The following OSTN variants were observed in gnomAD, a reference collection of about 807,000 sequenced individuals.
OSTN encodes osteocrin.
In OSTN, 9 loss-of-function variants were observed where a neutral mutation model predicts 12.0. The ratio of observed to expected loss-of-function variants is 0.75; its 90% CI spans 0.45 to 1.30. The LOEUF is 1.30. Among genes scored for constraint, OSTN ranks in the 50% most tolerant of loss-of-function variants. OSTN has a pLI of 0.00. For missense variants in OSTN, 148 were observed against 152.3 expected, an observed-to-expected ratio of 0.97 and a Z score of 0.15; for synonymous variants, 59 against 56.9, an observed-to-expected ratio of 1.04 and a Z score of -0.16.
chr3:191,218,645 A>G (rs1008997450), intron 2 of OSTN, 102 bp from the exon 3 acceptor site: 11 of 904,186 alleles, frequency 1.2e-5, no homozygotes, highest in Non-Finnish European at 1.7e-5. Flanking sequence ...AAGATGTTAC[A>G]TGATGAGTAT....
intron 1 of OSTN, among the ~76,000 whole-genome samples, chr3:191,202,177 A>G (rs919183096): frequency 5.9e-5 from 9 of 152,358 alleles, no homozygotes; most frequent in African/African-American, 1.9e-4. Flanking sequence ...AAAAAATAGA[A>G]TTATAATGTT....
chr3:191,216,838 C>G (rs941930489), intron 2 of OSTN, among the ~76,000 whole-genome samples: 2 of 152,198 alleles, frequency 1.3e-5, no homozygotes, highest in South Asian at 4.1e-4. Flanking sequence ...CAACAAGTGT[C>G]TAGGAAGTTT....
chr3:191,213,841 A>T (rs1714529903), intron 2 of OSTN, among the ~76,000 whole-genome samples: 2 of 152,238 alleles, frequency 1.3e-5, no homozygotes, highest in East Asian at 3.9e-4. Context: ...GAATAAAAGC[A>T]TATTTTTGGA....
At chr3:191,252,294 T>A (rs1715577694) in intron 4 of OSTN, among the ~76,000 whole-genome samples, 1 of 152,204 alleles carries the variant, frequency 6.6e-6, no homozygotes, top group South Asian at 2.1e-4. Context: ...CTCGATCTCC[T>A]GACCTTGTGA....
At chr3:191,222,374 G>GA (rs1469728660) in intron 3 of OSTN, among the ~76,000 whole-genome samples, 1 of 152,210 alleles carries the variant, frequency 6.6e-6, no homozygotes, top group African/African-American at 2.4e-5. Flanking sequence ...GAAGTCAAAG[G>GA]AGATTAATTT....
chr3:191,228,596 T>G (rs959051828), intron 3 of OSTN: 4 of 152,216 alleles, frequency 2.6e-5, no homozygotes, highest in African/African-American at 9.6e-5. Context: ...TACTGACATT[T>G]TCTTCCCAGT....
intron 2 of OSTN, among the ~76,000 whole-genome samples, chr3:191,216,222 T>C (rs1382759962): frequency 6.6e-6 from 1 of 152,180 alleles, no homozygotes; most frequent in Non-Finnish European, 1.5e-5. Flanking sequence ...TAGCCACAGA[T>C]GGGATGCAAG....
intron 4 of OSTN, among the ~76,000 whole-genome samples, chr3:191,251,772 C>T (rs763754600): frequency 3.2e-4 from 49 of 152,166 alleles, no homozygotes; most frequent in Non-Finnish European, 6.8e-4. Flanking sequence ...ATTATTTCTT[C>T]GTATCTAGAG....
chr3:191,241,727 A>G (rs1715326713), intron 3 of OSTN, among the ~76,000 whole-genome samples: 1 of 152,216 alleles, frequency 6.6e-6, no homozygotes, highest in Admixed American at 6.5e-5. Flanking sequence ...AGACATGGAA[A>G]TTTTCAACGA....
At chr3:191,259,876 G>A (rs1241682247) in intron 4 of OSTN, among the ~76,000 whole-genome samples, 4 of 126,748 alleles carry the variant, frequency 3.2e-5, no homozygotes, top group Non-Finnish European at 6.5e-5. Flanking sequence ...TTTTTCTTGA[G>A]ACAGAGTCTC....
chr3:191,226,101 C>T (rs1312351457), intron 3 of OSTN, among the ~76,000 whole-genome samples: 1 of 152,100 alleles, frequency 6.6e-6, no homozygotes, highest in Non-Finnish European at 1.5e-5. Flanking sequence ...AAGCATTAGA[C>T]TTATCTCATA....
At chr3:191,247,079 A>G (rs1254550072) in intron 3 of OSTN, among the ~76,000 whole-genome samples, 7 of 152,244 alleles carry the variant, frequency 4.6e-5, no homozygotes, top group Non-Finnish European at 8.8e-5. Context: ...TATTCTGACT[A>G]CCACGAGGAA....
intron 2 of OSTN, among the ~76,000 whole-genome samples, chr3:191,215,228 C>G (rs1052161959): frequency 2.6e-5 from 4 of 152,154 alleles, no homozygotes; most frequent in Admixed American, 1.3e-4. Context: ...AACTCACTAT[C>G]ATGAGAACAG....
At chr3:191,257,288 C>T (rs1248068400) in intron 4 of OSTN, among the ~76,000 whole-genome samples, 1 of 150,954 alleles carries the variant, frequency 6.6e-6, no homozygotes, top group Non-Finnish European at 1.5e-5. Flanking sequence ...ACACACTTTG[C>T]ATATTTTTTC....
At chr3:191,247,034 T>C (rs1021289292) in intron 3 of OSTN, among the ~76,000 whole-genome samples, 3 of 152,242 alleles carry the variant, frequency 2.0e-5, no homozygotes, top group African/African-American at 7.2e-5. Context: ...TTATAATTGC[T>C]GGAGATTATG....
In OSTN at chr3:191,250,087, T is replaced by C; in HGVS notation, c.368T>C (p.Ile123Thr). The C allele has an allele frequency of 6.2e-7, 1 of 1,613,714 alleles. No homozygotes were observed. Among genetic ancestry groups the C allele is most frequent in the Non-Finnish European group, 8.5e-7 (1 of 1,179,660 alleles). ...CGATTTGGTATCCCCATGGATCGGA[T>C]TGGTAGAAACCGGCTTTCAAATTCC... Reference protein sequence around the residue: ...KRRFGIPMDRIGRNRLSNSRG With the variant: ...KRRFGIPMDRTGRNRLSNSRG The change falls in exon 4 of 5, where the codon ATT (isoleucine) becomes ACT (threonine). Residue 123 changes from isoleucine to threonine, a missense_variant. Coordinates refer to ENST00000682035, the MANE Select transcript of OSTN (RefSeq NM_198184.2).
chr3:191,210,809 G>A (rs888452969), intron 1 of OSTN, among the ~76,000 whole-genome samples: 29 of 152,170 alleles, frequency 1.9e-4, no homozygotes, highest in African/African-American at 6.8e-4. Context: ...AAGTGGCAAA[G>A]CTTGTGTTCA....
chr3:191,239,778 A>T (rs1474536652), intron 3 of OSTN, among the ~76,000 whole-genome samples: 1 of 152,236 alleles, frequency 6.6e-6, no homozygotes, highest in East Asian at 1.9e-4. Flanking sequence ...CTGTTAGGAA[A>T]AAAATTGGCT....
intron 4 of OSTN, among the ~76,000 whole-genome samples, chr3:191,259,684 C>T (rs1333846799): frequency 6.6e-6 from 1 of 151,876 alleles, no homozygotes; most frequent in Non-Finnish European, 1.5e-5. Context: ...GGCGTTGATG[C>T]TGAAAGCATG....
Sources: allele counts gnomAD v4.1 joint callset (sites outside exome capture counted in the v4.1 genomes callset), GRCh38; gene constraint gnomAD v4.1.1; transcripts MANE v1.5; gene names NCBI Gene and HGNC (gene_info 2026-07-23, HGNC 2026-07-21).